Variants in CNOT4 observed in about 807,000 individuals in gnomAD.
The protein encoded by CNOT4 is CCR4-associated factor 4.
In CNOT4, 8 loss-of-function variants were observed where a neutral mutation model predicts 73.8. That is an observed-to-expected ratio of 0.11 (90% confidence interval 0.06 to 0.20). The LOEUF (loss-of-function observed/expected upper bound fraction) is 0.20, where lower values mean the gene tolerates loss of function less well. Ranked by LOEUF, CNOT4 falls within the 10% of genes least tolerant of loss-of-function variation. CNOT4 has a pLI of 1.00. For synonymous variants in CNOT4, 293 were observed against 321.1 expected (o/e 0.91, Z 0.94); for missense variants, 564 against 883.4 (o/e 0.64, Z 4.58).
chr7:135,460,960 T>C (rs988576695), intron 1 of CNOT4, among the ~76,000 whole-genome samples: 5 of 152,218 alleles, frequency 3.3e-5, no homozygotes, highest in African/African-American at 9.6e-5. Context: ...CAATCTCTGT[T>C]CTATATTCTT....
intron 2 of CNOT4, among the ~76,000 whole-genome samples, chr7:135,436,419 T>G (rs898265613): frequency 6.6e-6 from 1 of 151,924 alleles, no homozygotes; most frequent in African/African-American, 2.4e-5. Context: ...CTTAGAGTCT[T>G]GGGCAATCCT....
chr7:135,455,938 C>T (rs1447205414), intron 1 of CNOT4, among the ~76,000 whole-genome samples: 2 of 152,172 alleles, frequency 1.3e-5, no homozygotes, highest in African/African-American at 4.8e-5. Context: ...ATTTTGTTTA[C>T]TTAATTGTGG....
intron 3 of CNOT4, among the ~76,000 whole-genome samples, chr7:135,417,426 G>A (rs140520118): frequency 1.5e-3 from 225 of 152,270 alleles, no homozygotes; most frequent in African/African-American, 4.8e-3. Flanking sequence ...AATTATGTGT[G>A]TAGACAAATT....
At chr7:135,415,498 T>C (rs1797818967) in intron 3 of CNOT4, among the ~76,000 whole-genome samples, 1 of 152,116 alleles carries the variant, frequency 6.6e-6, no homozygotes, top group Admixed American at 6.6e-5. Flanking sequence ...ACTCACTAAA[T>C]TTGGTATTAT....
chr7:135,370,920 T>C (rs919348623), intron 10 of CNOT4, among the ~76,000 whole-genome samples: 11 of 152,190 alleles, frequency 7.2e-5, no homozygotes, highest in African/African-American at 2.7e-4. Flanking sequence ...CAAGCAAATA[T>C]ACTTTTAAAA....
At chr7:135,471,848 C>T (rs1394678042) in intron 1 of CNOT4, among the ~76,000 whole-genome samples, 1 of 152,152 alleles carries the variant, frequency 6.6e-6, no homozygotes, top group Non-Finnish European at 1.5e-5. Context: ...AGTTGGAAGG[C>T]ATGCTGACTA....
intron 7 of CNOT4, among the ~76,000 whole-genome samples, chr7:135,399,682 T>C (rs981536894): frequency 7.9e-5 from 12 of 152,094 alleles, no homozygotes; most frequent in African/African-American, 2.7e-4. Flanking sequence ...AAAAAAAATA[T>C]CTAACAAGGG....
intron 1 of CNOT4, among the ~76,000 whole-genome samples, chr7:135,456,607 T>C (rs115356435): frequency 0.015 from 2,223 of 152,200 alleles, 59 homozygotes; most frequent in African/African-American, 0.051. Context: ...TCAAGTCCCT[T>C]ATATAAAATG....
Position 135,415,210 on chromosome 7 carries a change from A to G in CNOT4, c.425T>C (p.Val142Ala). ...TGCATATGATGTGCTATTATTGATG[A>G]CAACTTTATGTATTTTACCAAACTT... Reference protein sequence around the residue: ...FGKFGKIHKVVINNSTSYAGS... With the variant: ...FGKFGKIHKVAINNSTSYAGS... Residue 142 changes from valine (V) to alanine (A), a missense_variant, in exon 4 of 12, where the codon GTC becomes GCC. Around this residue, in one of 10 missense-constraint regions of CNOT4, gnomAD observed 76 missense variants for 208.7 expected, o/e 0.36. Coordinates refer to ENST00000541284, the MANE Select transcript of CNOT4 (RefSeq NM_001190850.2). 1.2e-6 allele frequency: 2 copies of G among 1,605,772 alleles called. No homozygotes were observed. Among genetic ancestry groups the G allele is most frequent in the Non-Finnish European group, 1.7e-6 (2 of 1,172,794 alleles).
intron 10 of CNOT4, chr7:135,386,620 G>A (rs1468953390): frequency 6.6e-6 from 1 of 152,106 alleles, no homozygotes; most frequent in Non-Finnish European, 1.5e-5. Flanking sequence ...TAAGCAAAAG[G>A]TGAAGCTTAC....
chr7:135,395,791 G>C lies in CNOT4; in HGVS notation c.972C>G (p.Ser324=). The change falls in exon 9 of 12, where the codon TCC becomes TCG. Residue 324 remains serine, a synonymous_variant. Coordinates refer to ENST00000541284, the MANE Select transcript of CNOT4 (RefSeq NM_001190850.2). ...PISSSNHSAR[S]PFEGAVTESQ... ...ACTCTGTTACTGCCCCTTCAAAAGG[G>C]GACCGTGCACTGTGATTGGATGAAC... 1.2e-6 allele frequency: 2 copies of C among 1,614,042 alleles called. No homozygotes were observed. Among genetic ancestry groups the C allele is most frequent in the Non-Finnish European group, 1.7e-6 (2 of 1,179,968 alleles).
At chr7:135,371,740 T>G (rs993220259) in intron 10 of CNOT4, among the ~76,000 whole-genome samples, 1 of 152,128 alleles carries the variant, frequency 6.6e-6, no homozygotes, top group South Asian at 2.1e-4. Context: ...AATACTCATG[T>G]GCAAAGTTAT....
intron 10 of CNOT4, among the ~76,000 whole-genome samples, chr7:135,382,692 G>A (rs1795916290): frequency 6.6e-6 from 1 of 151,996 alleles, no homozygotes; most frequent in African/African-American, 2.4e-5. Flanking sequence ...AATTTATTAA[G>A]CATGCAGTTT....
chr7:135,419,484 A>G (rs1798059186), intron 3 of CNOT4, among the ~76,000 whole-genome samples: 1 of 152,214 alleles, frequency 6.6e-6, no homozygotes, highest in African/African-American at 2.4e-5. Flanking sequence ...CTATTTAATA[A>G]AAAACAAAAC....
intron 10 of CNOT4, chr7:135,388,026 A>G: frequency 2.0e-6 from 2 of 985,362 alleles, no homozygotes; most frequent in Non-Finnish European, 2.4e-6. Flanking sequence ...TTCACATACA[A>G]TGTTTACTCC....
intron 1 of CNOT4, among the ~76,000 whole-genome samples, chr7:135,477,243 T>C (rs2129487046): frequency 6.6e-6 from 1 of 151,962 alleles, no homozygotes; most frequent in Admixed American, 6.6e-5. Flanking sequence ...CTCAGGAGGC[T>C]GAGGCAGGAG....
intron 3 of CNOT4, among the ~76,000 whole-genome samples, chr7:135,417,483 G>A (rs1797934361): frequency 6.6e-6 from 1 of 152,084 alleles, no homozygotes; most frequent in Non-Finnish European, 1.5e-5. Context: ...TGTTACATTC[G>A]TTTTTAAAAA....
intron 1 of CNOT4, among the ~76,000 whole-genome samples, chr7:135,481,667 C>T (rs1490896301): frequency 6.6e-6 from 1 of 152,120 alleles, no homozygotes; most frequent in East Asian, 1.9e-4. Context: ...GCACTATTCA[C>T]AACAGCCAAG....
intron 1 of CNOT4, among the ~76,000 whole-genome samples, chr7:135,470,248 G>A (rs1006622629): frequency 3.3e-5 from 5 of 151,862 alleles, no homozygotes; most frequent in Non-Finnish European, 7.4e-5. Flanking sequence ...TCCCACCTCA[G>A]CCTCCTGAGT....
Sources: allele counts gnomAD v4.1 joint callset (sites outside exome capture counted in the v4.1 genomes callset), GRCh38; gene constraint gnomAD v4.1.1; regional missense constraint gnomAD v4.1.1; transcripts MANE v1.5; gene names NCBI Gene and HGNC (gene_info 2026-07-23, HGNC 2026-07-21).